Variants in CAPN13 observed in about 807,000 individuals in gnomAD.
The protein encoded by CAPN13 is calpain-13.
A neutral mutation model predicts 98.4 loss-of-function variants in CAPN13; 90 were observed. That is an observed-to-expected ratio of 0.92 (90% CI 0.77 to 1.09). The LOEUF (loss-of-function observed/expected upper bound fraction) is 1.09, where lower values mean the gene tolerates loss of function less well. Among genes scored for constraint, CAPN13 ranks in the 50% least tolerant of loss-of-function variants. CAPN13 has a pLI of 0.00. For synonymous variants in CAPN13, 330 were observed against 305.5 expected (o/e 1.08, Z -0.84); for missense variants, 887 against 841.3 (o/e 1.05, Z -0.67).
chr2:30,783,475 T>C (rs1674098389), intron 2 of CAPN13, among the ~76,000 whole-genome samples: 1 of 152,136 alleles, frequency 6.6e-6, no homozygotes, highest in African/African-American at 2.4e-5. Context: ...CAAAATGGTT[T>C]AGATTATTGG....
intron 13 of CAPN13, among the ~76,000 whole-genome samples, chr2:30,742,916 C>T (rs958428032): frequency 6.6e-6 from 1 of 152,154 alleles, no homozygotes; most frequent in Non-Finnish European, 1.5e-5. Flanking sequence ...ATGTGATATG[C>T]TGGCCAAATG....
At chr2:30,770,216 G>T in intron 5 of CAPN13, 97 bp downstream of exon 5, 1 of 1,499,116 alleles carries the variant, frequency 6.7e-7, no homozygotes, top group Non-Finnish European at 9.0e-7. Context: ...CAGCCAGGTG[G>T]CAAAGGCTGC....
rs373140747 is a variant in CAPN13, at chr2:30,770,474, T to A, written c.388-25A>T. 6.2e-6 allele frequency: 10 copies of A among 1,610,240 alleles called. No individual in the cohort carries two copies. The African/African-American group carries it at 9.4e-5, about 15-fold the overall frequency. On this transcript the variant is annotated intron_variant, in intron 4 of 22. Coordinates refer to ENST00000295055, the MANE Select transcript of CAPN13 (RefSeq NM_144575.3). ...ACTGGAAGAGAGCCAAGCATATGCT[T>A]TGACAGAGTTGAGGCAGAAGGGAGC...
chr2:30,802,019 G>A (rs72867198), intron 1 of CAPN13, among the ~76,000 whole-genome samples: 1 of 152,204 alleles, frequency 6.6e-6, no homozygotes, highest in Non-Finnish European at 1.5e-5. Flanking sequence ...ACACAGCGGA[G>A]AAAGGACAGT....
intron 7 of CAPN13, among the ~76,000 whole-genome samples, chr2:30,759,836 C>G (rs138941927): frequency 6.6e-6 from 1 of 152,300 alleles, no homozygotes; most frequent in East Asian, 1.9e-4. Context: ...GACCCTTGAG[C>G]CACCTGGTCA....
chr2:30,759,313 C>T (rs1672699814), intron 7 of CAPN13, among the ~76,000 whole-genome samples: 1 of 152,134 alleles, frequency 6.6e-6, no homozygotes, highest in Non-Finnish European at 1.5e-5. Context: ...ATAAGGAGGT[C>T]TACCCCTTTG....
chr2:30,772,982 C>T (rs111719915), intron 4 of CAPN13, among the ~76,000 whole-genome samples: 87 of 152,240 alleles, frequency 5.7e-4, no homozygotes, highest in African/African-American at 1.9e-3. Flanking sequence ...TGCGCCACCA[C>T]GCCCAGTTAA....
intron 22 of CAPN13, 96 bp downstream of exon 22, chr2:30,730,634 G>T (rs906632936): frequency 2.2e-4 from 151 of 689,404 alleles, no homozygotes; most frequent in Non-Finnish European, 2.6e-4. Context: ...TCCCTGGGGA[G>T]GCTCTCCCAA....
At chr2:30,741,649 C>A (rs1671662608) in intron 15 of CAPN13, 1 of 1,331,188 alleles carries the variant, frequency 7.5e-7, no homozygotes. Flanking sequence ...GCACCTCACA[C>A]CCCATAATTA....
intron 17 of CAPN13, 112 bp downstream of exon 17, chr2:30,738,123 A>G: frequency 1.8e-6 from 2 of 1,096,692 alleles, no homozygotes; most frequent in Non-Finnish European, 1.4e-6. Flanking sequence ...ACAGGGAAGA[A>G]GAGAAAATAC....
chr2:30,727,138 A>G (rs72867106), intron 22 of CAPN13, among the ~76,000 whole-genome samples: 3,934 of 152,294 alleles, frequency 0.026, 115 homozygotes, highest in African/African-American at 0.076. Flanking sequence ...AATGAATGCA[A>G]AAGAATGAAA....
intron 8 of CAPN13, among the ~76,000 whole-genome samples, chr2:30,756,742 T>G (rs1163033767): frequency 2.0e-5 from 3 of 151,668 alleles, no homozygotes; most frequent in African/African-American, 7.3e-5. Context: ...AGGATACACC[T>G]GGGAAGGAAG....
chr2:30,800,196 C>T (rs17010325), intron 1 of CAPN13, among the ~76,000 whole-genome samples: 27,254 of 134,972 alleles, frequency 0.2, 2,872 homozygotes, highest in East Asian at 0.42. Context: ...AAGAAAACTA[C>T]GTAGACCTGG....
chr2:30,804,624 T>C (rs767686377), intron 1 of CAPN13, among the ~76,000 whole-genome samples: 3 of 152,216 alleles, frequency 2.0e-5, no homozygotes, highest in African/African-American at 4.8e-5. Flanking sequence ...TAGTGTTCTA[T>C]GTATACCATG....
chr2:30,785,468 C>A (rs1674224963), intron 2 of CAPN13, among the ~76,000 whole-genome samples: 1 of 152,092 alleles, frequency 6.6e-6, no homozygotes, highest in African/African-American at 2.4e-5. Context: ...GTCCCCAGTC[C>A]CCCCAGTAGA....
chr2:30,795,562 G>A (rs1351796355), intron 1 of CAPN13, among the ~76,000 whole-genome samples: 1 of 151,964 alleles, frequency 6.6e-6, no homozygotes, highest in Non-Finnish European at 1.5e-5. Flanking sequence ...CCTCTCTTGA[G>A]GAATGAATAT....
At chr2:30,797,989 C>T (rs977578688) in intron 1 of CAPN13, among the ~76,000 whole-genome samples, 2 of 152,174 alleles carry the variant, frequency 1.3e-5, no homozygotes, top group Non-Finnish European at 2.9e-5. Flanking sequence ...AGGATATGAA[C>T]GCAAAGGAAG....
intron 8 of CAPN13, among the ~76,000 whole-genome samples, chr2:30,756,377 A>T (rs1303070155): frequency 2.0e-5 from 3 of 152,098 alleles, no homozygotes; most frequent in Non-Finnish European, 2.9e-5. Flanking sequence ...CCTCTGCCAC[A>T]AGGCCAACTC....
chr2:30,759,735 G>A (rs1473326538), intron 7 of CAPN13, among the ~76,000 whole-genome samples: 1 of 152,218 alleles, frequency 6.6e-6, no homozygotes, highest in African/African-American at 2.4e-5. Flanking sequence ...TCCAGCCACG[G>A]TGAGTATCTA....
Sources: allele counts gnomAD v4.1 joint callset (sites outside exome capture counted in the v4.1 genomes callset), GRCh38; gene constraint gnomAD v4.1.1; transcripts MANE v1.5; gene names NCBI Gene and HGNC (gene_info 2026-07-23, HGNC 2026-07-21).